MYOT: variants seen among roughly 807,000 people sequenced by gnomAD.
MYOT encodes the protein 57 kDa cytoskeletal protein.
A neutral mutation model predicts 58.0 loss-of-function variants in MYOT; 36 were observed. That is an observed-to-expected ratio of 0.62 (90% confidence interval 0.48 to 0.82). The LOEUF (loss-of-function observed/expected upper bound fraction) is 0.82, where lower values mean the gene tolerates loss of function less well. MYOT is among the 40% of genes least tolerant of loss of function. MYOT has a pLI of 0.00. For missense variants in MYOT, 505 were observed against 592.1 expected, an observed-to-expected ratio of 0.85 and a Z score of 1.53; for synonymous variants, 218 against 204.6, an observed-to-expected ratio of 1.07 and a Z score of -0.56.
chr5:137,869,039 C>G (rs1754958388), intron 1 of MYOT, among the ~76,000 whole-genome samples: 1 of 152,150 alleles, frequency 6.6e-6, no homozygotes, highest in Admixed American at 6.5e-5. Context: ...TTTAATTTAA[C>G]TCTAAACTAC....
Position 137,886,926 on chromosome 5 carries a change from C to A in MYOT, c.1253C>A (p.Ala418Asp). 1 of 1,604,008 alleles carries A rather than the reference C, an allele frequency of 6.2e-7. No homozygotes were observed. The highest frequency in any genetic ancestry group is 8.5e-7 in the Non-Finnish European group (1 of 1,170,848). ...ATAAAAGATGTAAACAAGAAAGATG[C>A]TGGGTGGTATACTGTGTCAGCAGTT... ...LLIKDVNKKD[A>D]GWYTVSAVNE... is the part of the protein sequence containing the mutation. The change falls in exon 9 of 10, where the codon GCT (alanine) becomes GAT (aspartate). Residue 418 changes from alanine to aspartate, a missense_variant. Transcript: ENST00000239926.
At chr5:137,885,374 A>G (rs190516089) in intron 7 of MYOT, among the ~76,000 whole-genome samples, 108 of 152,254 alleles carry the variant, frequency 7.1e-4, no homozygotes, top group African/African-American at 2.5e-3. Flanking sequence ...AATTTTACCA[A>G]TTTGGCATGG....
At chr5:137,871,033 G>A (rs1755035541) in intron 2 of MYOT, 26 bp downstream of exon 2, 4 of 1,587,738 alleles carry the variant, frequency 2.5e-6, no homozygotes, top group East Asian at 2.2e-5. Context: ...TATACCGCAT[G>A]TACAGTGAAC....
chr5:137,873,929 A>G (rs1347737808), intron 2 of MYOT, among the ~76,000 whole-genome samples: 3 of 152,352 alleles, frequency 2.0e-5, no homozygotes, highest in Non-Finnish European at 4.4e-5. Context: ...TTACAATCTA[A>G]TGATTACTAA....
chr5:137,872,602 G>A (rs543908657), intron 2 of MYOT, among the ~76,000 whole-genome samples: 11 of 152,202 alleles, frequency 7.2e-5, no homozygotes, highest in South Asian at 2.1e-4. Context: ...TACCCATTTC[G>A]TGTCCAGCTG....
intron 8 of MYOT, 168 bp from the exon 9 acceptor site, chr5:137,886,696 C>T (rs1488072121): frequency 3.1e-6 from 2 of 652,056 alleles, no homozygotes; most frequent in African/African-American, 3.7e-5. Context: ...GAGACAGCAC[C>T]CAAGGGGGGA....
chr5:137,877,403 A>G (rs1755264514), intron 3 of MYOT, 117 bp from the exon 4 acceptor site: 5 of 631,996 alleles, frequency 7.9e-6, no homozygotes, highest in Non-Finnish European at 1.4e-5. Context: ...AGAATCTATC[A>G]TTCAATAGAT....
chr5:137,881,881 GAA>G (rs1392153752), intron 5 of MYOT, 90 bp from the exon 6 acceptor site: 9 of 1,179,780 alleles, frequency 7.6e-6, no homozygotes, highest in South Asian at 1.5e-5. Context: ...AAACTCCATT[GAA>G]AAAAAAAAAT....
chr5:137,872,848 T>C (rs2149980162), intron 2 of MYOT, among the ~76,000 whole-genome samples: 1 of 152,338 alleles, frequency 6.6e-6, no homozygotes, highest in African/African-American at 2.4e-5. Flanking sequence ...AAGCTTGCTA[T>C]GTGAAATTCA....
At chr5:137,869,172 G>A (rs1319048615) in intron 1 of MYOT, among the ~76,000 whole-genome samples, 1 of 152,026 alleles carries the variant, frequency 6.6e-6, no homozygotes, top group Non-Finnish European at 1.5e-5. Context: ...AGAAGACTTC[G>A]TTTCAATGAT....
chr5:137,873,889 C>G (rs1387093569), intron 2 of MYOT, among the ~76,000 whole-genome samples: 1 of 152,108 alleles, frequency 6.6e-6, no homozygotes, highest in Admixed American at 6.5e-5. Flanking sequence ...ATAATGATAA[C>G]AAATAAGACA....
At chr5:137,884,439 T>C (rs1442322405) in intron 7 of MYOT, among the ~76,000 whole-genome samples, 1 of 152,218 alleles carries the variant, frequency 6.6e-6, no homozygotes, top group African/African-American at 2.4e-5. Context: ...TGTCTAATTA[T>C]AACCAAAACA....
At chr5:137,874,400 G>C (rs1012336203) in intron 2 of MYOT, among the ~76,000 whole-genome samples, 1 of 152,184 alleles carries the variant, frequency 6.6e-6, no homozygotes, top group Admixed American at 6.5e-5. Flanking sequence ...CCGGGAGGCA[G>C]AGGTTGCAGT....
At chr5:137,870,328 A>ACACAC (rs1561657141) in intron 1 of MYOT, 113 bp from the exon 2 acceptor site, 16 of 291,682 alleles carry the variant, frequency 5.5e-5, no homozygotes, top group African/African-American at 4.5e-4. Flanking sequence ...CACACACACA[A>ACACAC]AAGGAAGGAA....
intron 2 of MYOT, among the ~76,000 whole-genome samples, chr5:137,872,175 G>C (rs983967515): frequency 5.3e-5 from 8 of 152,086 alleles, no homozygotes; most frequent in Admixed American, 5.2e-4. Flanking sequence ...AACTGTTTTT[G>C]ACCTACAAAA....
chr5:137,881,800 G>A (rs760051599), intron 5 of MYOT, among the ~76,000 whole-genome samples, 173 bp from the exon 6 acceptor site: 49 of 151,902 alleles, frequency 3.2e-4, no homozygotes, highest in Non-Finnish European at 5.4e-4. Context: ...GGGTTCAAGC[G>A]ATTCTCCTGC....
At chr5:137,882,995 A>G (rs577707019) in intron 6 of MYOT, 1 of 205,810 alleles carries the variant, frequency 4.9e-6, no homozygotes, top group East Asian at 1.3e-4. Context: ...AAAATTACGC[A>G]TTAGATCAGG....
intron 4 of MYOT, among the ~76,000 whole-genome samples, chr5:137,878,350 T>C (rs1580857006): frequency 6.6e-6 from 1 of 152,084 alleles, no homozygotes; most frequent in East Asian, 2.0e-4. Context: ...CTCAAGTAGC[T>C]GGGATTACAG....
chr5:137,878,448 C>G (rs1410965520), intron 4 of MYOT, among the ~76,000 whole-genome samples: 1 of 151,954 alleles, frequency 6.6e-6, no homozygotes, highest in East Asian at 1.9e-4. Context: ...CCTCGGCCTC[C>G]AAAAGTGCTA....
Sources: allele counts gnomAD v4.1 joint callset (sites outside exome capture counted in the v4.1 genomes callset), GRCh38; gene constraint gnomAD v4.1.1; transcripts MANE v1.5; gene names NCBI Gene and HGNC (gene_info 2026-07-23, HGNC 2026-07-21).